Variants in BCAS3 observed in about 807,000 individuals in gnomAD.
BCAS3 encodes BCAS3 microtubule associated cell migration factor.
A neutral mutation model predicts 116.1 loss-of-function variants in BCAS3; 53 were observed. The observed-to-expected ratio is 0.46, with a 90% CI of 0.37 to 0.57. The LOEUF is 0.57. Ranked by LOEUF, BCAS3 falls within the 20% of genes least tolerant of loss-of-function variation. The pLI is 0.00. For missense variants in BCAS3, 917 were observed against 1,165.4 expected (o/e 0.79, Z 3.10); for synonymous variants, 391 against 408.2 (o/e 0.96, Z 0.51).
intron 7 of BCAS3, among the ~76,000 whole-genome samples, chr17:60,814,013 C>G (rs935215423): frequency 2.6e-5 from 4 of 151,898 alleles, no homozygotes. Context: ...TTTTCAGGCT[C>G]TTTTTTGTTC....
At chr17:61,212,866 C>G (rs2081546699) in intron 22 of BCAS3, among the ~76,000 whole-genome samples, 1 of 152,152 alleles carries the variant, frequency 6.6e-6, no homozygotes, top group East Asian at 1.9e-4. Context: ...TGGTTAGCAT[C>G]GTTCCTGTGG....
intron 22 of BCAS3, among the ~76,000 whole-genome samples, chr17:61,232,190 G>A (rs1264772045): frequency 2.3e-4 from 17 of 74,096 alleles, no homozygotes; most frequent in African/African-American, 7.6e-4. Flanking sequence ...GGGTGACAGT[G>A]AAAGACTCCG....
Position 61,337,647 on chromosome 17 carries a change from T to C in BCAS3, c.2426-30680T>C, listed in dbSNP as rs543865662. On this transcript the variant is annotated intron_variant, in intron 22 of 23. Coordinates refer to ENST00000407086, the MANE Select transcript of BCAS3 (RefSeq NM_017679.5). This position sits in a 1 kb window ranked among gnomAD's most constrained non-coding sequence, Gnocchi z 4.8. ...CAGTTTCTAGTACACCTAAACTGAATGTTGGTGGGATTGTTTTTATTGTTT... is the reference window on the plus strand; with the variant it reads ...CAGTTTCTAGTACACCTAAACTGAACGTTGGTGGGATTGTTTTTATTGTTT... Among the ~76,000 whole-genome samples, 1 of 152,324 alleles carries C rather than the reference T, an allele frequency of 6.6e-6. No homozygotes were observed. Among genetic ancestry groups the C allele is most frequent in the African/African-American group, 2.4e-5 (1 of 41,578 alleles).
Position 60,900,711 on chromosome 17 carries a change from T to C in BCAS3, c.739-1909T>C, listed in dbSNP as rs2057832323. Among the ~76,000 whole-genome samples, 4 of 152,264 alleles carry C rather than the reference T, an allele frequency of 2.6e-5. 1 individual carries two copies. In the South Asian group the frequency reaches 8.3e-4, roughly 32 times the overall value. On this transcript the variant is annotated intron_variant, in intron 10 of 23. Transcript: ENST00000407086. The stretch of plus-strand genomic sequence containing the variant: ...GCTCTTTGGCAAACTGCTTTTTTTT[T>C]TCTTTTGCTTAACAATATTTCCTGG...
chr17:61,095,375 T>C lies in BCAS3; in HGVS notation c.2425+10811T>C, dbSNP rs1335428959. 6.6e-6 allele frequency among the ~76,000 whole-genome samples: 1 copy of C among 152,238 alleles called. No homozygotes were observed. Among genetic ancestry groups the C allele is most frequent in the East Asian group, 1.9e-4 (1 of 5,204 alleles). ...TCTACATAGAGGCTTTATCATTGTT[T>C]TTAAATTAGCTGATACATAATTGTA... is the stretch of plus-strand genomic sequence containing the variant. On this transcript the variant is annotated intron_variant, in intron 22 of 23. Transcript: ENST00000407086. The surrounding 1 kb of genome is among the most constrained non-coding windows in gnomAD (Gnocchi z 4.7).
At chr17:61,330,438 T>C (rs1169813356) in intron 22 of BCAS3, among the ~76,000 whole-genome samples, 2 of 152,220 alleles carry the variant, frequency 1.3e-5, no homozygotes, top group Non-Finnish European at 2.9e-5. Context: ...GTTTCTCACT[T>C]TCCCAAGTGT....
intron 7 of BCAS3, among the ~76,000 whole-genome samples, chr17:60,856,573 T>C (rs1279783149): frequency 6.6e-6 from 1 of 151,920 alleles, no homozygotes; most frequent in Non-Finnish European, 1.5e-5. Context: ...CATCTGTGGT[T>C]CCAGCTACAC....
intron 6 of BCAS3, among the ~76,000 whole-genome samples, chr17:60,786,572 A>T (rs1014743757): frequency 5.7e-5 from 8 of 140,546 alleles, no homozygotes; most frequent in South Asian, 2.2e-4. Context: ...TATATATATA[A>T]AATGTGTCAG....
rs1377911687 is a variant in BCAS3, at chr17:61,380,443, TC to T, written c.2594-11532del. 5 of 1,488,740 alleles carry T rather than the reference TC, an allele frequency of 3.4e-6. No homozygotes were observed. The highest frequency in any genetic ancestry group is 3.7e-6 in the Non-Finnish European group (4 of 1,089,174). The allele number at this position is 1,488,740 out of a possible 1,614,324, so 92.2% of individuals were successfully genotyped here. On this transcript the variant is annotated intron_variant, in intron 23 of 23. Transcript: ENST00000407086. The surrounding 1 kb of genome is among the most constrained non-coding windows in gnomAD (Gnocchi z 4.2). ...ATCGACTCACTTTGATCTCAGCTCT[TC>T]CTGCTCTCTTAAAGGTCCAGTTTGT...
intron 19 of BCAS3, among the ~76,000 whole-genome samples, chr17:61,070,657 T>C (rs1197487058): frequency 6.6e-6 from 1 of 151,992 alleles, no homozygotes; most frequent in East Asian, 1.9e-4. Context: ...CCCAAAGCAT[T>C]TGAGAATGAA....
chr17:60,692,391 G>A (rs543309369), intron 4 of BCAS3, among the ~76,000 whole-genome samples: 11 of 152,034 alleles, frequency 7.2e-5, no homozygotes, highest in African/African-American at 2.2e-4. Context: ...ACAGGCACCC[G>A]CCACCATGCC....
Position 61,346,157 on chromosome 17 carries a change from C to T in BCAS3, c.2426-22170C>T, listed in dbSNP as rs1273095795. Among the ~76,000 whole-genome samples, 1 of 152,170 alleles carries T rather than the reference C, an allele frequency of 6.6e-6. No individual in the cohort carries two copies. The highest frequency in any genetic ancestry group is 6.5e-5 in the Admixed American group (1 of 15,276). On this transcript the variant is annotated intron_variant, in intron 22 of 23. Transcript: ENST00000407086. This position sits in a 1 kb window ranked among gnomAD's most constrained non-coding sequence, Gnocchi z 5.4. ...TCGAGGAGTTGACTTAGAAGGCCTG[C>T]AGAGTCCAGTGACAAGGATGTTTGG...
rs147387947 is a variant in BCAS3, at chr17:61,307,639, A to G, written c.2426-60688A>G. Among the ~76,000 whole-genome samples, 838 of 152,360 alleles carry G rather than the reference A, an allele frequency of 5.5e-3. 8 individuals are homozygous for G. Among genetic ancestry groups the G allele is most frequent in the African/African-American group, 0.018 (753 of 41,578 alleles). On this transcript the variant is annotated intron_variant, in intron 22 of 23. Coordinates refer to ENST00000407086, the MANE Select transcript of BCAS3 (RefSeq NM_017679.5). This position sits in a 1 kb window ranked among gnomAD's most constrained non-coding sequence, Gnocchi z 4.7. Reference sequence around the variant, plus strand: ...TAAAAGGAGCTATATAAATCTGAGAAACTGTAGAGAGGACTCTAACTAATT... The same window carrying G: ...TAAAAGGAGCTATATAAATCTGAGAGACTGTAGAGAGGACTCTAACTAATT...
chr17:60,923,942 C>T (rs1428511738), intron 12 of BCAS3, among the ~76,000 whole-genome samples: 1 of 152,084 alleles, frequency 6.6e-6, no homozygotes, highest in East Asian at 1.9e-4. Context: ...TCTCTATACA[C>T]CTGTTTATTT....
At chr17:61,240,636 A>G (rs899655960) in intron 22 of BCAS3, among the ~76,000 whole-genome samples, 31 of 152,244 alleles carry the variant, frequency 2.0e-4, no homozygotes, top group Admixed American at 3.3e-4. Flanking sequence ...CCTAGGCAAC[A>G]GAGACTCCAT....
At chr17:61,385,235 T>A (rs2059788323) in intron 23 of BCAS3, among the ~76,000 whole-genome samples, 1 of 152,084 alleles carries the variant, frequency 6.6e-6, no homozygotes, top group South Asian at 2.1e-4. Context: ...GGCCACCACC[T>A]CTCCAGGTGC....
chr17:61,298,484 C>T (rs1016704485), intron 22 of BCAS3, among the ~76,000 whole-genome samples: 3 of 152,220 alleles, frequency 2.0e-5, no homozygotes, highest in Non-Finnish European at 4.4e-5. Context: ...TGTGGAAACT[C>T]TTCCAAATGC....
intron 5 of BCAS3, among the ~76,000 whole-genome samples, chr17:60,727,647 G>T (rs76861449): frequency 1.3e-5 from 2 of 151,916 alleles, no homozygotes; most frequent in African/African-American, 4.8e-5. Flanking sequence ...CGGAGGTCCC[G>T]TATACCTCCT....
intron 7 of BCAS3, among the ~76,000 whole-genome samples, chr17:60,834,984 T>C (rs1297620294): frequency 2.0e-5 from 3 of 147,942 alleles, no homozygotes; most frequent in African/African-American, 7.6e-5. Flanking sequence ...CTTTATGATG[T>C]ATTTCTTTAT....
Sources: allele counts gnomAD v4.1 joint callset (sites outside exome capture counted in the v4.1 genomes callset), GRCh38; gene constraint gnomAD v4.1.1; non-coding constraint Gnocchi (gnomAD v3.1); transcripts MANE v1.5; gene names NCBI Gene and HGNC (gene_info 2026-07-23, HGNC 2026-07-21).